The following NHERF2 variants were observed in gnomAD, a reference collection of about 807,000 sequenced individuals.
NHERF2 encodes NHERF family PDZ scaffold protein 2.
At chr16:2,031,664 CAG>C in the NHERF2 span, among the ~76,000 whole-genome samples, 1 of 152,120 alleles carries the variant, frequency 6.6e-6, no homozygotes, top group Non-Finnish European at 1.5e-5. Context: ...TGGCTGGGGA[CAG>C]GGGCTCCAGG....
At chr16:2,029,151 C>T in the NHERF2 span, among the ~76,000 whole-genome samples, 1 of 152,270 alleles carries the variant, frequency 6.6e-6, no homozygotes, top group Non-Finnish European at 1.5e-5. Flanking sequence ...CACACCTCTC[C>T]TTCAAACCTG....
chr16:2,036,373 G>C, the NHERF2 span: 7 of 1,610,562 alleles, frequency 4.3e-6, no homozygotes, highest in African/African-American at 8.0e-5. Context: ...TGCCACCTGC[G>C]AAAGGGACCT....
the NHERF2 span, chr16:2,037,142 T>C: frequency 1.9e-6 from 2 of 1,052,152 alleles, no homozygotes; most frequent in Non-Finnish European, 2.8e-6. Flanking sequence ...TTAATGCCCC[T>C]GTGGGTCTCA....
the NHERF2 span, chr16:2,037,100 G>A: frequency 7.3e-7 from 1 of 1,361,976 alleles, no homozygotes; most frequent in East Asian, 2.5e-5. Context: ...AGGTGTGCTA[G>A]TGACACCCGA....
the NHERF2 span, chr16:2,036,124 T>C: frequency 1.9e-6 from 1 of 539,162 alleles, no homozygotes; most frequent in South Asian, 3.1e-5. Context: ...CTTCTGGGTT[T>C]GAAAACAGGC....
the NHERF2 span, chr16:2,037,543 T>C: frequency 6.2e-7 from 1 of 1,611,380 alleles, no homozygotes. Flanking sequence ...CCCAGCTCAA[T>C]GGTGGCTCTG....
At chr16:2,027,117 C>A in the NHERF2 span, 1 of 1,467,464 alleles carries the variant, frequency 6.8e-7, no homozygotes, top group South Asian at 1.3e-5. Flanking sequence ...GTTCATCCGG[C>A]GCGTGGAACC....
At chr16:2,035,724 G>A in the NHERF2 span, 102 of 975,860 alleles carry the variant, frequency 1.0e-4, no homozygotes, top group Admixed American at 3.7e-4. Context: ...GGATGGTAGC[G>A]GGGGGTCCTT....
chr16:2,037,144 T>G, the NHERF2 span: 66 of 1,049,234 alleles, frequency 6.3e-5, no homozygotes, highest in African/African-American at 1.0e-3. Flanking sequence ...AATGCCCCTG[T>G]GGGTCTCATC....
the NHERF2 span, among the ~76,000 whole-genome samples, chr16:2,028,143 C>T: frequency 1.3e-5 from 2 of 152,200 alleles, no homozygotes; most frequent in Admixed American, 6.5e-5. Flanking sequence ...CTCACAGCAC[C>T]GATGAATCCA....
At chr16:2,035,597 C>T in the NHERF2 span, 1 of 986,802 alleles carries the variant, frequency 1.0e-6, no homozygotes, top group African/African-American at 1.7e-5. Flanking sequence ...GCCACCGCCG[C>T]CGCACCCTGG....
the NHERF2 span, among the ~76,000 whole-genome samples, chr16:2,034,905 T>G: frequency 7.2e-5 from 11 of 152,250 alleles, no homozygotes; most frequent in African/African-American, 2.6e-4. Context: ...GGGTCAGCCT[T>G]GAAGCCCCAC....
the NHERF2 span, chr16:2,029,762 A>G: frequency 6.6e-7 from 1 of 1,524,992 alleles, no homozygotes; most frequent in South Asian, 1.2e-5. Flanking sequence ...CGGCAGCCAC[A>G]GCTCCGAAGC....
the NHERF2 span, chr16:2,037,884 C>T: frequency 4.2e-5 from 67 of 1,606,652 alleles, no homozygotes; most frequent in Non-Finnish European, 5.3e-5. Flanking sequence ...CTGAGCCCCA[C>T]GGCGGCCGAG....
chr16:2,033,059 T>A, the NHERF2 span: 2 of 1,301,198 alleles, frequency 1.5e-6, no homozygotes, highest in Admixed American at 6.8e-5. Context: ...CTCCTCCCTG[T>A]CCCCTCAGCC....
the NHERF2 span, among the ~76,000 whole-genome samples, chr16:2,028,086 T>C: frequency 6.6e-6 from 1 of 152,184 alleles, no homozygotes; most frequent in Admixed American, 6.5e-5. Context: ...CAGACCCTGG[T>C]TGGGGTCCAG....
the NHERF2 span, chr16:2,036,239 T>G: frequency 1.1e-5 from 15 of 1,377,768 alleles, no homozygotes; most frequent in African/African-American, 2.2e-4. Context: ...GGTACCGAGT[T>G]TGGGCAGTGG....
At chr16:2,029,624 C>T in the NHERF2 span, 13 of 1,579,520 alleles carry the variant, frequency 8.2e-6, no homozygotes, top group Non-Finnish European at 4.3e-6. Context: ...GACTCGGCTG[C>T]TGGTGGTGGA....
the NHERF2 span, chr16:2,029,385 G>C: frequency 8.3e-6 from 5 of 600,044 alleles, no homozygotes; most frequent in Non-Finnish European, 1.5e-5. Context: ...CTCAGTGTCC[G>C]GAGCCTGAGT....
Sources: gnomAD v4.1 joint callset for allele counts (sites outside exome capture counted in the v4.1 genomes callset) on GRCh38, gnomAD v4.1.1 for gene constraint, MANE v1.5 for transcripts, NCBI Gene and HGNC (gene_info 2026-07-23, HGNC 2026-07-21) for gene names.